The following DMD variants were observed in gnomAD, a reference collection of about 807,000 sequenced individuals.
The protein encoded by DMD is dystrophin, also known as mutant dystrophin.
Under a neutral mutation model 330.1 loss-of-function variants are expected in DMD, and 63 were observed. The ratio of observed to expected loss-of-function variants is 0.19; its 90% CI spans 0.16 to 0.24. The LOEUF (loss-of-function observed/expected upper bound fraction) is 0.24, where lower values mean the gene tolerates loss of function less well. Among genes scored for constraint, DMD ranks in the 10% least tolerant of loss-of-function variants. The pLI is 1.00. For synonymous variants in DMD, 1,223 were observed against 959.8 expected (o/e 1.27, Z -5.07); for missense variants, 3,344 against 2,684.1 (o/e 1.25, Z -5.43).
intron 43 of DMD, among the ~76,000 whole-genome samples, chrX:32,238,123 A>G (rs895457976): frequency 1.8e-5 from 2 of 112,162 alleles, no homozygotes; most frequent in Admixed American, 1.9e-4. Context: ...ATAGTTTATC[A>G]GGGTGTACAA....
At chrX:32,675,211 T>C (rs1234580151) in intron 9 of DMD, among the ~76,000 whole-genome samples, 1 of 111,494 alleles carries the variant, frequency 9.0e-6, no homozygotes, top group Non-Finnish European at 1.9e-5. Flanking sequence ...GGATGTATTA[T>C]CTTACTACAA....
intron 1 of DMD, among the ~76,000 whole-genome samples, chrX:33,200,925 C>CTTTTTTTTTTTTTT (rs10678250): frequency 1.9e-5 from 1 of 52,808 alleles, no homozygotes; most frequent in Non-Finnish European, 3.0e-5. Flanking sequence ...AATCAATAGA[C>CTTTTTTTTTTTTTT]TTTTTTTTTT....
At chrX:31,295,176 TA>T (rs1446167035) in intron 62 of DMD, among the ~76,000 whole-genome samples, 1 of 109,383 alleles carries the variant, frequency 9.1e-6, no homozygotes, top group African/African-American at 3.3e-5. Context: ...TTTGTATTTT[TA>T]GTAGAGACTG....
chrX:32,986,984 T>G (rs753571909), intron 2 of DMD, among the ~76,000 whole-genome samples: 1 of 112,241 alleles, frequency 8.9e-6, no homozygotes, highest in Non-Finnish European at 1.9e-5. Context: ...TGTGAAAAAC[T>G]AGTACCCACA....
intron 1 of DMD, among the ~76,000 whole-genome samples, chrX:33,102,063 C>T (rs1371935121): frequency 1.8e-5 from 2 of 112,063 alleles, no homozygotes; most frequent in Admixed American, 1.9e-4. Flanking sequence ...ACTTCCTAAA[C>T]TTTTCTAAGA....
chrX:33,144,999 TC>T (rs2047958401), intron 1 of DMD, among the ~76,000 whole-genome samples: 1 of 112,069 alleles, frequency 8.9e-6, no homozygotes, highest in Non-Finnish European at 1.9e-5. Flanking sequence ...TCACTAAGGT[TC>T]TTTTTTGCAT....
At chrX:32,897,687 G>T (rs2085852778) in intron 2 of DMD, among the ~76,000 whole-genome samples, 1 of 112,168 alleles carries the variant, frequency 8.9e-6, no homozygotes, top group Non-Finnish European at 1.9e-5. Context: ...TTTCCATTTT[G>T]AAGTTCAAAA....
chrX:31,621,659 G>A (rs1603428624), intron 55 of DMD, among the ~76,000 whole-genome samples: 2 of 111,666 alleles, frequency 1.8e-5, no homozygotes, highest in South Asian at 7.5e-4. Context: ...AGTAAAATTG[G>A]GACTCAGAGG....
intron 67 of DMD, among the ~76,000 whole-genome samples, chrX:31,186,703 C>G (rs1004278563): frequency 8.9e-6 from 1 of 112,152 alleles, no homozygotes; most frequent in African/African-American, 3.2e-5. Flanking sequence ...AGAGTTCCAT[C>G]ACAGAGGTAC....
chrX:32,181,135 G>A (rs1032187520), intron 44 of DMD, among the ~76,000 whole-genome samples: 7 of 111,872 alleles, frequency 6.3e-5, no homozygotes, highest in Middle Eastern at 4.2e-3. Flanking sequence ...TGCATCATAC[G>A]TTTTCGAGAG....
intron 17 of DMD, among the ~76,000 whole-genome samples, chrX:32,534,832 G>A (rs2047808264): frequency 9.1e-6 from 1 of 110,308 alleles, no homozygotes; most frequent in African/African-American, 3.3e-5. Flanking sequence ...TTCAATATAA[G>A]AATTTAGGGA....
At chrX:31,370,438 G>A (rs2059493733) in intron 60 of DMD, among the ~76,000 whole-genome samples, 1 of 112,068 alleles carries the variant, frequency 8.9e-6, no homozygotes, top group African/African-American at 3.2e-5. Context: ...AGGAAAAGTT[G>A]TTCAACAGCA....
rs148383013 is a variant in DMD at position 32,909,312 on chromosome X, C to G, written c.94-59492G>C. ...GGATAATCAACCTTCTAGTCAAACT[C>G]CAGGGAATTCAATGTAGTTTAAACT... On this transcript the variant is annotated intron_variant, in intron 2 of 78. Transcript: ENST00000357033. Among the ~76,000 whole-genome samples, 265 of 111,026 alleles carry G rather than the reference C, an allele frequency of 2.4e-3. 2 individuals carry two copies. The highest frequency in any genetic ancestry group is 8.4e-3 in the African/African-American group (258 of 30,581).
At chrX:32,888,818 T>C (rs2084916000) in intron 2 of DMD, among the ~76,000 whole-genome samples, 1 of 111,941 alleles carries the variant, frequency 8.9e-6, no homozygotes, top group Non-Finnish European at 1.9e-5. Context: ...AATGGAACAC[T>C]ATTCAACTTT....
At chrX:32,075,292 T>G (rs1297250954) in intron 44 of DMD, among the ~76,000 whole-genome samples, 1 of 111,948 alleles carries the variant, frequency 8.9e-6, no homozygotes. Context: ...TATGTAGGAT[T>G]TTTTTCAGTT....
At chrX:32,925,126 G>C (rs1216276628) in intron 2 of DMD, among the ~76,000 whole-genome samples, 2 of 92,484 alleles carry the variant, frequency 2.2e-5, no homozygotes, top group Admixed American at 2.4e-4. Flanking sequence ...TGACTAAGTA[G>C]GTTTTTCAAA....
chrX:31,385,552 A>G (rs2060407710), intron 60 of DMD, among the ~76,000 whole-genome samples: 1 of 112,479 alleles, frequency 8.9e-6, no homozygotes, highest in Admixed American at 9.5e-5. Context: ...GTAGGTACAC[A>G]TTAAGCGTAT....
In DMD at chrX:31,819,988, G is replaced by A; in HGVS notation, c.7296C>T (p.Thr2432=). 8.3e-7 allele frequency: 1 copy of A among 1,209,021 alleles called. No individual in the cohort carries two copies. Among genetic ancestry groups the A allele is most frequent in the Non-Finnish European group, 1.1e-6 (1 of 892,983 alleles). ...CAGTATACTTACAGGCTCCAATAGT[G>A]GTCAGTCCAGGAGCTAGGTCAGGCT... is the stretch of plus-strand genomic sequence containing the variant. ...AKQPDLAPGL[T]TIGASPTQTV... Residue 2432 remains threonine, a synonymous_variant, in exon 50 of 79, where the codon ACC becomes ACT. Transcript: ENST00000357033.
chrX:32,899,398 G>A (rs367625380), intron 2 of DMD, among the ~76,000 whole-genome samples: 21 of 110,877 alleles, frequency 1.9e-4, no homozygotes, highest in African/African-American at 6.2e-4. Context: ...TTCTACGGCC[G>A]GGTGCGGTGG....
Sources: gnomAD v4.1 joint callset for allele counts (sites outside exome capture counted in the v4.1 genomes callset) on GRCh38, gnomAD v4.1.1 for gene constraint, MANE v1.5 for transcripts, NCBI Gene and HGNC (gene_info 2026-07-23, HGNC 2026-07-21) for gene names.